The following ARMCX4 variants were observed in gnomAD, a reference collection of about 807,000 sequenced individuals.
The protein encoded by ARMCX4 is armadillo repeat-containing X-linked protein 4.
Under a neutral mutation model 34.7 loss-of-function variants are expected in ARMCX4, and 3 were observed. The ratio of observed to expected loss-of-function variants is 0.09; its 90% CI spans 0.04 to 0.22. The LOEUF (loss-of-function observed/expected upper bound fraction) is 0.22, where lower values mean the gene tolerates loss of function less well. Ranked by LOEUF, ARMCX4 falls within the 10% of genes least tolerant of loss-of-function variation. The probability of loss-of-function intolerance (pLI) is 1.00; values close to 1 mark genes in which losing one functional copy is unlikely to be tolerated. For synonymous variants in ARMCX4, 513 were observed against 632.8 expected (o/e 0.81, Z 2.84); for missense variants, 1,448 against 1,720.8 (o/e 0.84, Z 2.81).
At chrX:101,427,507 A>T (rs1349877378) in intron 2 of ARMCX4, among the ~76,000 whole-genome samples, 1 of 110,461 alleles carries the variant, frequency 9.1e-6, no homozygotes, top group Non-Finnish European at 1.9e-5. Flanking sequence ...CCTCCCACGT[A>T]GCTGGGACTA....
At chrX:101,447,089 T>C (rs1254362310), downstream of ARMCX4, among the ~76,000 whole-genome samples, 1 of 112,265 alleles carries the variant, frequency 8.9e-6, no homozygotes, top group Non-Finnish European at 1.9e-5. Context: ...ACAGGGCTGC[T>C]TGAGTGTACT....
At chrX:101,533,540 C>T (rs987830276), downstream of ARMCX4, 30 of 111,333 alleles carry the variant, frequency 2.7e-4, no homozygotes, top group African/African-American at 9.8e-4. Flanking sequence ...ATTTTGATAC[C>T]ATTAGAATGC....
downstream of ARMCX4, among the ~76,000 whole-genome samples, chrX:101,533,874 A>G (rs1556022788): frequency 9.0e-6 from 1 of 111,439 alleles, no homozygotes; most frequent in East Asian, 2.8e-4. Context: ...GAAATGTAAT[A>G]TTGATATTGG....
chrX:101,458,914 A>T (rs782365897), intron 4 of ARMCX4, among the ~76,000 whole-genome samples: 55 of 112,391 alleles, frequency 4.9e-4, no homozygotes, highest in African/African-American at 1.6e-3. Context: ...AATGGGGTAG[A>T]ATCTCTTCCT....
downstream of ARMCX4, chrX:101,499,221 C>T (rs1452625460): frequency 9.0e-6 from 1 of 111,444 alleles, no homozygotes; most frequent in Non-Finnish European, 1.9e-5. Context: ...ATTTAATACC[C>T]TGGAGAAAAC....
At chrX:101,432,888 G>C (rs1326135910) in intron 2 of ARMCX4, among the ~76,000 whole-genome samples, 1 of 50,066 alleles carries the variant, frequency 2.0e-5, no homozygotes. Flanking sequence ...GTATACGTGT[G>C]TATATATACG....
At chrX:101,482,262 A>G (rs920090976), upstream of ARMCX4, among the ~76,000 whole-genome samples, 24 of 112,094 alleles carry the variant, frequency 2.1e-4, no homozygotes, top group African/African-American at 6.8e-4. Context: ...ATATTTTAAT[A>G]AGACATGTAT....
At chrX:101,450,856 T>G (rs1324650420), downstream of ARMCX4, among the ~76,000 whole-genome samples, 2 of 111,407 alleles carry the variant, frequency 1.8e-5, 1 homozygote, top group Middle Eastern at 8.4e-3. Context: ...TATAGAAATG[T>G]CATTTGGGAG....
rs1456257469 is a variant in ARMCX4 at position 101,489,351 on chromosome X, T to G, written c.762T>G (p.Pro254=). 1.1e-5 allele frequency: 13 copies of G among 1,152,962 alleles called. No individual in the cohort carries two copies. The Admixed American group carries it at 1.3e-4, about 12-fold the overall frequency. Reference sequence around the variant, plus strand: ...CTAAGACTCAGTCTGAGGCCAGGCCTGGTGCCACAGTTGATGCTAGGGGAA... The same window carrying G: ...CTAAGACTCAGTCTGAGGCCAGGCCGGGTGCCACAGTTGATGCTAGGGGAA... ...SVAKTQSEAR[P]GATVDARGNP... The change falls in exon 6 of 6, where the codon CCT becomes CCG. Residue 254 remains proline, a synonymous_variant. Coordinates refer to ENST00000423738, the MANE Select transcript of ARMCX4 (RefSeq NM_001256155.3).
intron 11 of ARMCX4, among the ~76,000 whole-genome samples, chrX:101,530,952 C>A (rs1556022023): frequency 5.4e-5 from 6 of 112,108 alleles, no homozygotes; most frequent in African/African-American, 1.9e-4. Flanking sequence ...ACTGCTATAA[C>A]AAATTGTATA....
chrX:101,476,957 A>G (rs1933217740), intron 4 of ARMCX4, among the ~76,000 whole-genome samples: 1 of 111,751 alleles, frequency 8.9e-6, no homozygotes, highest in Non-Finnish European at 1.9e-5. Context: ...AAGAAGAGAC[A>G]ATAAACAACA....
chrX:101,498,658 TGAG>T (rs1556012635), downstream of ARMCX4: 1 of 112,610 alleles, frequency 8.9e-6, no homozygotes, highest in Non-Finnish European at 1.9e-5. Context: ...TGGAGAAATC[TGAG>T]GAGTAGACTC....
chrX:101,464,071 A>G (rs1556001595), intron 4 of ARMCX4, among the ~76,000 whole-genome samples: 1 of 109,621 alleles, frequency 9.1e-6, no homozygotes, highest in Non-Finnish European at 1.9e-5. Context: ...TTTTTCTAAG[A>G]TTTAAATAAT....
In ARMCX4 at chrX:101,493,474, C is replaced by A; in HGVS notation, c.4885C>A (p.Gln1629Lys). ...LGGARPGPAD[Q>K]SSGGSWAGTG... Reference sequence around the variant, plus strand: ...GGGAGCTAGGCCGGGGCCTGCAGACCAGTCCAGTGGTGGGTCCTGGGCTGG... The same window carrying A: ...GGGAGCTAGGCCGGGGCCTGCAGACAAGTCCAGTGGTGGGTCCTGGGCTGG... Residue 1629 changes from glutamine to lysine, a missense_variant, in exon 6 of 6, where the codon CAG becomes AAG. Coordinates refer to ENST00000423738, the MANE Select transcript of ARMCX4 (RefSeq NM_001256155.3). 2 of 1,155,177 alleles carry A rather than the reference C, an allele frequency of 1.7e-6. No homozygotes were observed. The highest frequency in any genetic ancestry group is 1.1e-6 in the Non-Finnish European group (1 of 872,637).
upstream of ARMCX4, among the ~76,000 whole-genome samples, chrX:101,480,984 G>C (rs186923450): frequency 9.0e-6 from 1 of 111,344 alleles, no homozygotes; most frequent in African/African-American, 3.3e-5. Context: ...TTAGCTGGGC[G>C]TGGTGGCATG....
At chrX:101,523,806 C>A (rs1389574124) in intron 11 of ARMCX4, among the ~76,000 whole-genome samples, 3 of 112,099 alleles carry the variant, frequency 2.7e-5, no homozygotes, top group Non-Finnish European at 5.6e-5. Flanking sequence ...TTTGTAATAA[C>A]TCTGTTTTTT....
chrX:101,503,405 G>A (rs1303443842), intron 7 of ARMCX4, among the ~76,000 whole-genome samples: 4 of 111,482 alleles, frequency 3.6e-5, no homozygotes, highest in Non-Finnish European at 5.6e-5. Flanking sequence ...CCCACCAACA[G>A]TGTAAAAGTG....
rs868984766 is a variant in ARMCX4, at chrX:101,490,507, G to A, written c.1918G>A (p.Ala640Thr). Residue 640 changes from alanine to threonine, a missense_variant, in exon 6 of 6, where the codon GCC becomes ACC. Around this residue, in one of 2 missense-constraint regions of ARMCX4, gnomAD observed 1,343 missense variants for 1,540.7 expected, o/e 0.87. Transcript: ENST00000423738. Reference sequence around the variant, plus strand: ...GGCAGTGGTCAGTTTCCAGGGTGAGGCCTTGCTTGGCACCAAGAATAAAGT... The same window carrying A: ...GGCAGTGGTCAGTTTCCAGGGTGAGACCTTGCTTGGCACCAAGAATAAAGT... ...PEAVVSFQGE[A>T]LLGTKNKVKG... 1 of 1,156,089 alleles carries A rather than the reference G, an allele frequency of 8.6e-7. No individual in the cohort carries two copies. Among genetic ancestry groups the A allele is most frequent in the African/African-American group, 1.8e-5 (1 of 56,374 alleles).
intron 2 of ARMCX4, among the ~76,000 whole-genome samples, chrX:101,439,606 A>G (rs1179301564): frequency 1.8e-5 from 2 of 112,031 alleles, no homozygotes; most frequent in Non-Finnish European, 3.8e-5. Flanking sequence ...CGTCACTTTC[A>G]GGTACACCAA....
Sources: gnomAD v4.1 joint callset for allele counts (sites outside exome capture counted in the v4.1 genomes callset) on GRCh38, gnomAD v4.1.1 for gene constraint, gnomAD v4.1.1 regional missense constraint, MANE v1.5 for transcripts, NCBI Gene and HGNC (gene_info 2026-07-23, HGNC 2026-07-21) for gene names.